Variants in ARHGEF26 observed in about 807,000 individuals in gnomAD.
ARHGEF26 encodes the protein Rho guanine nucleotide exchange factor (GEF) 26.
A neutral mutation model predicts 89.4 loss-of-function variants in ARHGEF26; 59 were observed. The observed-to-expected ratio is 0.66, with a 90% CI of 0.54 to 0.82. The LOEUF is 0.82. Among genes scored for constraint, ARHGEF26 ranks in the 40% least tolerant of loss-of-function variants. The pLI is 0.00. For missense variants in ARHGEF26, 1,234 were observed against 1,085.6 expected (o/e 1.14, Z -1.92); for synonymous variants, 500 against 428.4 (o/e 1.17, Z -2.06).
At chr3:154,186,778 G>A (rs1482313164) in intron 6 of ARHGEF26, among the ~76,000 whole-genome samples, 1 of 150,724 alleles carries the variant, frequency 6.6e-6, no homozygotes, top group Non-Finnish European at 1.5e-5. Flanking sequence ...AAGAAAGAAA[G>A]AGGGAAAGGG....
intron 9 of ARHGEF26, among the ~76,000 whole-genome samples, chr3:154,213,518 T>A (rs1289754105): frequency 6.6e-6 from 1 of 152,184 alleles, no homozygotes; most frequent in Non-Finnish European, 1.5e-5. Flanking sequence ...CACCTTTGGT[T>A]TCTTTAGGAT....
intron 6 of ARHGEF26, among the ~76,000 whole-genome samples, chr3:154,168,991 A>G (rs1712231731): frequency 6.6e-6 from 1 of 152,130 alleles, no homozygotes; most frequent in African/African-American, 2.4e-5. Context: ...GTAGTGAAAA[A>G]AAAAAGATTA....
In ARHGEF26 at chr3:154,129,648, G is replaced by A. The variant is rs1718556540; in HGVS notation, c.1198G>A (p.Glu400Lys). ...TTCTGATGAAGAGTCAGAGCCCAAA[G>A]AACAGAAGTCAGATGAAAAAATTGT... ...IDSDEESEPKEQKSDEKIVIH... is the reference protein window; with the variant it reads ...IDSDEESEPKKQKSDEKIVIH... Residue 400 changes from glutamate (E) to lysine (K), a missense_variant, in exon 4 of 15, where the codon GAA becomes AAA. Transcript: ENST00000465093. 6.2e-7 allele frequency: 1 copy of A among 1,611,970 alleles called. No homozygotes were observed. The highest frequency in any genetic ancestry group is 8.5e-7 in the Non-Finnish European group (1 of 1,178,962).
At chr3:154,211,165 T>A (rs1715337581) in intron 9 of ARHGEF26, among the ~76,000 whole-genome samples, 2 of 152,176 alleles carry the variant, frequency 1.3e-5, no homozygotes, top group South Asian at 4.1e-4. Flanking sequence ...GGTGTCTCAG[T>A]ATGTCATGTG....
chr3:154,135,506 C>T (rs1218947439), intron 4 of ARHGEF26, among the ~76,000 whole-genome samples: 1 of 152,038 alleles, frequency 6.6e-6, no homozygotes, highest in Non-Finnish European at 1.5e-5. Flanking sequence ...GGTTTTGAAA[C>T]CTCAATGACT....
chr3:154,221,422 A>G (rs1370960218), intron 10 of ARHGEF26, among the ~76,000 whole-genome samples: 3 of 152,230 alleles, frequency 2.0e-5, no homozygotes, highest in Admixed American at 6.5e-5. Context: ...ATTTGGCAAT[A>G]ACTATCAAAA....
At chr3:154,212,851 T>C (rs1715463763) in intron 9 of ARHGEF26, among the ~76,000 whole-genome samples, 1 of 152,042 alleles carries the variant, frequency 6.6e-6, no homozygotes, top group South Asian at 2.1e-4. Flanking sequence ...AACCAATCCA[T>C]GGCCCTGGGG....
chr3:154,205,751 A>C (rs1714978935), intron 9 of ARHGEF26, among the ~76,000 whole-genome samples: 1 of 152,198 alleles, frequency 6.6e-6, no homozygotes, highest in South Asian at 2.1e-4. Context: ...AAACAAGCAA[A>C]CAGAAAACTA....
At chr3:154,124,931 ATATTCT>A (rs1328120247) in intron 3 of ARHGEF26, among the ~76,000 whole-genome samples, 1 of 151,956 alleles carries the variant, frequency 6.6e-6, no homozygotes, top group Non-Finnish European at 1.5e-5. Context: ...TGACAAAAAC[ATATTCT>A]TAAGACTTTT....
intron 11 of ARHGEF26, among the ~76,000 whole-genome samples, chr3:154,227,046 G>A (rs1716535770): frequency 6.6e-6 from 1 of 152,140 alleles, no homozygotes; most frequent in Non-Finnish European, 1.5e-5. Flanking sequence ...AATTAAAACA[G>A]ATTGAGTTCT....
chr3:154,130,615 A>G (rs908384815), intron 4 of ARHGEF26, among the ~76,000 whole-genome samples: 16 of 152,026 alleles, frequency 1.1e-4, no homozygotes, highest in Admixed American at 3.9e-4. Context: ...TTTTAACTGT[A>G]TATTTTTTTC....
intron 4 of ARHGEF26, among the ~76,000 whole-genome samples, chr3:154,130,086 T>C (rs1718592877): frequency 6.6e-6 from 1 of 151,972 alleles, no homozygotes; most frequent in South Asian, 2.1e-4. Flanking sequence ...TGTACATGTA[T>C]GTATGTACCT....
chr3:154,156,192 CAG>C (rs1007887650), intron 6 of ARHGEF26, among the ~76,000 whole-genome samples: 2 of 151,826 alleles, frequency 1.3e-5, no homozygotes, highest in Non-Finnish European at 2.9e-5. Flanking sequence ...CAGAATAAAA[CAG>C]GGGAGGTCAC....
rs1434432099 is a variant in ARHGEF26, at chr3:154,122,968, G to A, written c.976G>A (p.Asp326Asn). 2 of 1,613,818 alleles carry A rather than the reference G, an allele frequency of 1.2e-6. No homozygotes were observed. The highest frequency in any genetic ancestry group is 1.1e-5 in the South Asian group (1 of 91,010). ...TCGCAGGGCAGTGGTCAGTGGCTTT[G>A]ATTTTGACAGTCCTACCAGCTCGAA... ...SYRRAVVSGF[D>N]FDSPTSSKKK... The change falls in exon 2 of 15, where the codon GAT (aspartate) becomes AAT (asparagine). Residue 326 changes from aspartate to asparagine, a missense_variant. Coordinates refer to ENST00000465093, the MANE Select transcript of ARHGEF26 (RefSeq NM_015595.4).
At chr3:154,231,692 A>G (rs976062308) in intron 11 of ARHGEF26, among the ~76,000 whole-genome samples, 3 of 152,162 alleles carry the variant, frequency 2.0e-5, no homozygotes, top group Non-Finnish European at 2.9e-5. Context: ...CGTAATTGCT[A>G]CATAGCTGAA....
intron 4 of ARHGEF26, among the ~76,000 whole-genome samples, chr3:154,134,179 CCTTTCTTTCTTTCTTCCTTT>C (rs1718861130): frequency 6.6e-6 from 1 of 152,028 alleles, no homozygotes; most frequent in African/African-American, 2.4e-5. Flanking sequence ...ATTTGAATAC[CCTTTCTTTCTTTCTTCCTTT>C]CTTTCTCTTG....
intron 3 of ARHGEF26, among the ~76,000 whole-genome samples, chr3:154,129,018 C>T (rs1176891419): frequency 8.5e-5 from 13 of 152,064 alleles, no homozygotes; most frequent in Admixed American, 6.6e-4. Context: ...AAGCTGTTGC[C>T]GGTTCCTAGT....
intron 11 of ARHGEF26, among the ~76,000 whole-genome samples, chr3:154,239,100 T>TA (rs1717296104): frequency 6.6e-6 from 1 of 151,956 alleles, no homozygotes; most frequent in Admixed American, 6.6e-5. Flanking sequence ...AGGACTAAGG[T>TA]ATAACCATGG....
intron 11 of ARHGEF26, among the ~76,000 whole-genome samples, chr3:154,230,453 C>T (rs1200060143): frequency 6.6e-6 from 1 of 152,274 alleles, no homozygotes; most frequent in East Asian, 1.9e-4. Flanking sequence ...TCCCCTCATC[C>T]TATAAAGTTA....
Sources: gnomAD v4.1 joint callset for allele counts (sites outside exome capture counted in the v4.1 genomes callset) on GRCh38, gnomAD v4.1.1 for gene constraint, MANE v1.5 for transcripts, NCBI Gene and HGNC (gene_info 2026-07-23, HGNC 2026-07-21) for gene names.